LRRC41: variants seen among roughly 807,000 people sequenced by gnomAD.
LRRC41 encodes the protein leucine-rich repeat-containing protein 41.
A neutral mutation model predicts 72.1 loss-of-function variants in LRRC41; 17 were observed. That is an observed-to-expected ratio of 0.24 (90% CI 0.16 to 0.35). The LOEUF is 0.35. LRRC41 is among the 10% of genes least tolerant of loss of function. The pLI is 1.00. For synonymous variants in LRRC41, 427 were observed against 431.0 expected (o/e 0.99, Z 0.11); for missense variants, 759 against 1,065.0 (o/e 0.71, Z 4.00).
chr1:46,289,069 A>G (rs1395311240), intron 3 of LRRC41, among the ~76,000 whole-genome samples: 2 of 152,228 alleles, frequency 1.3e-5, no homozygotes, highest in Non-Finnish European at 2.9e-5. Flanking sequence ...GTTTCTGGCT[A>G]TAAGAGGCAC....
chr1:46,284,183 A>G (rs1049685404), intron 4 of LRRC41: 4 of 152,340 alleles, frequency 2.6e-5, no homozygotes, highest in Non-Finnish European at 5.9e-5. Context: ...AGAACAGGAG[A>G]TAACAGTTTA....
Position 46,302,343 on chromosome 1 carries a change from CG to C in LRRC41, c.199+780del. 1.0e-6 allele frequency: 1 copy of C among 985,338 alleles called. No individual in the cohort carries two copies. The highest frequency in any genetic ancestry group is 1.2e-6 in the Non-Finnish European group (1 of 829,846). 61.0% of individuals were successfully genotyped at this position (985,338 alleles called of 1,614,324 possible). On this transcript the variant is annotated intron_variant, in intron 1 of 9. Transcript: ENST00000617190. The surrounding 1 kb of genome is among the most constrained non-coding windows in gnomAD (Gnocchi z 4.7). ...CCTCCCTCGCTTGTTTAAGCCGCTCCGGGCCCCCCTCCACTCGCTCTCCGGT... is the reference window on the plus strand; with the variant it reads ...CCTCCCTCGCTTGTTTAAGCCGCTCCGGCCCCCCTCCACTCGCTCTCCGGT...
intron 3 of LRRC41, among the ~76,000 whole-genome samples, chr1:46,291,413 T>C (rs1248480851): frequency 6.6e-6 from 1 of 151,990 alleles, no homozygotes; most frequent in African/African-American, 2.4e-5. Context: ...TAGCTCACTG[T>C]AGCCTTGAAT....
At position 46,278,269 on chromosome 1, in the gene LRRC41, G is replaced by A. The variant is rs955072829; in HGVS notation, c.*596C>T. On this transcript the variant is annotated 3_prime_UTR_variant, in exon 10 of 10. Transcript: ENST00000617190. The stretch of plus-strand genomic sequence containing the variant: ...CACCAGCGTTCTCATGAGGAGCAGC[G>A]GGGCCTCCGCTGATAACCAGCTGGT... The A allele has an allele frequency of 8.1e-6, 13 of 1,612,878 alleles. No homozygotes were observed. Among genetic ancestry groups the A allele is most frequent in the African/African-American group, 5.3e-5 (4 of 75,052 alleles).
chr1:46,301,196 C>T (rs192188281), intron 1 of LRRC41, among the ~76,000 whole-genome samples: 2 of 152,244 alleles, frequency 1.3e-5, no homozygotes, highest in East Asian at 3.9e-4. Context: ...AAACTCCTCT[C>T]TTCCTTTCTC....
In LRRC41 at chr1:46,302,971, A is replaced by C; in HGVS notation, c.199+153T>G. On this transcript the variant is annotated intron_variant, in intron 1 of 9. Transcript: ENST00000617190. This position sits in a 1 kb window ranked among gnomAD's most constrained non-coding sequence, Gnocchi z 4.7. ...CGTCTTTACTCTGTCCAGCCCTGTC[A>C]GTCACAAAATTCATTCTCCGATCCT... 10 of 981,520 alleles carry C rather than the reference A, an allele frequency of 1.0e-5. No individual in the cohort carries two copies. Among genetic ancestry groups the C allele is most frequent in the Non-Finnish European group, 1.2e-5 (10 of 829,256 alleles). The allele number at this position is 981,520 out of a possible 1,614,324, so 60.8% of individuals were successfully genotyped here.
Position 46,278,694 on chromosome 1 carries a change from G to T in LRRC41, c.*171C>A. 1 of 657,354 alleles carries T rather than the reference G, an allele frequency of 1.5e-6. No individual in the cohort carries two copies. The highest frequency in any genetic ancestry group is 2.6e-6 in the Non-Finnish European group (1 of 385,652). 40.7% of individuals were successfully genotyped at this position (657,354 alleles called of 1,614,324 possible). A position where few individuals can be genotyped will look rare whatever the true frequency, so the allele number is the denominator to read the frequency against. ...AACCCAGCTGTGAGAATGCCTGTTT[G>T]CTGGGCCTCATCAAGGCCTCCAGGA... On this transcript the variant is annotated 3_prime_UTR_variant, in exon 10 of 10. Coordinates refer to ENST00000617190, the MANE Select transcript of LRRC41 (RefSeq NM_006369.5).
In LRRC41 at chr1:46,286,562, C is replaced by G; in HGVS notation, c.358-63G>C. On this transcript the variant is annotated intron_variant, in intron 3 of 9. Transcript: ENST00000617190. The surrounding 1 kb of genome is among the most constrained non-coding windows in gnomAD (Gnocchi z 5.5). ...TCCATGAAACTGTCCAAATTTCCCT[C>G]TCTTCCAATAGCACACTATTTACTG... The G allele has an allele frequency of 6.9e-7, 1 of 1,454,454 alleles. No homozygotes were observed. Among genetic ancestry groups the G allele is most frequent in the East Asian group, 2.3e-5 (1 of 43,800 alleles). The allele number at this position is 1,454,454 out of a possible 1,614,324, so 90.1% of individuals were successfully genotyped here. A position where few individuals can be genotyped will look rare whatever the true frequency, so the allele number is the denominator to read the frequency against.
At chr1:46,295,636 T>C (rs1000698215) in intron 3 of LRRC41, among the ~76,000 whole-genome samples, 3 of 152,190 alleles carry the variant, frequency 2.0e-5, no homozygotes, top group African/African-American at 7.2e-5. Context: ...CTCTAAATGC[T>C]CTGAAATGCT....
In LRRC41 at chr1:46,281,282, T is replaced by C. The variant is rs1170727752; in HGVS notation, c.1599A>G (p.Pro533=). 6.2e-7 allele frequency: 1 copy of C among 1,614,132 alleles called. No individual in the cohort carries two copies. Among genetic ancestry groups the C allele is most frequent in the Non-Finnish European group, 8.5e-7 (1 of 1,180,012 alleles). Residue 533 remains proline, a synonymous_variant, in exon 5 of 10, where the codon CCA becomes CCG. Coordinates refer to ENST00000617190, the MANE Select transcript of LRRC41 (RefSeq NM_006369.5). ...CACGTGTCAGCTCCAGGATGGGCAGTGGTGAGAACAGGTCACTGAGATGCA... is the reference window on the plus strand; with the variant it reads ...CACGTGTCAGCTCCAGGATGGGCAGCGGTGAGAACAGGTCACTGAGATGCA... The part of the protein sequence containing the change: ...RALHLSDLFS[P]LPILELTRAI...
chr1:46,286,111 A>G lies in LRRC41; in HGVS notation c.746T>C (p.Met249Thr). 6.2e-7 allele frequency: 1 copy of G among 1,614,172 alleles called. No homozygotes were observed. Among genetic ancestry groups the G allele is most frequent in the Non-Finnish European group, 8.5e-7 (1 of 1,179,988 alleles). The change falls in exon 4 of 10, where the codon ATG becomes ACG. Residue 249 changes from methionine (M) to threonine (T), a missense_variant. By Grantham distance (81) the Met-to-Thr change is moderately conservative. Transcript: ENST00000617190. The surrounding 1 kb of genome is among the most constrained non-coding windows in gnomAD (Gnocchi z 5.5). ...CCCTGGTTGCCAGAAGCCAGCACTCATGGTGAGAATAAGGATGAAAAGGGC... is the reference window on the plus strand; with the variant it reads ...CCCTGGTTGCCAGAAGCCAGCACTCGTGGTGAGAATAAGGATGAAAAGGGC... ...ESALFILILT[M>T]SAGFWQPGPG... is the part of the protein sequence containing the mutation.
At chr1:46,288,222 CAA>C (rs1041531546) in intron 3 of LRRC41, among the ~76,000 whole-genome samples, 1 of 152,160 alleles carries the variant, frequency 6.6e-6, no homozygotes, top group African/African-American at 2.4e-5. Flanking sequence ...CACACCAAGA[CAA>C]AGACAGGTAC....
rs574875921 is a variant in LRRC41 at position 46,291,039 on chromosome 1, C to T, written c.358-4540G>A. 6.0e-5 allele frequency among the ~76,000 whole-genome samples: 9 copies of T among 150,266 alleles called. No individual in the cohort carries two copies. In the East Asian group the frequency reaches 1.8e-3, roughly 30 times the overall value. On this transcript the variant is annotated intron_variant, in intron 3 of 9. Coordinates refer to ENST00000617190, the MANE Select transcript of LRRC41 (RefSeq NM_006369.5). The stretch of plus-strand genomic sequence containing the variant: ...TCCCAGGTTCAAGCTATTCTCCTGC[C>T]TCAGTCTCCCAAGTAGCTGGGATTA...
In LRRC41 at chr1:46,277,830, AG is replaced by A; in HGVS notation, c.*1034del. 1 of 1,609,426 alleles carries A rather than the reference AG, an allele frequency of 6.2e-7. No individual in the cohort carries two copies. ...CCTCTTCCCCAGGCAGGGACCATTG[AG>A]GAGAAGATCTTCCAGCGTCAGAGCC... On this transcript the variant is annotated 3_prime_UTR_variant, in exon 10 of 10. Coordinates refer to ENST00000617190, the MANE Select transcript of LRRC41 (RefSeq NM_006369.5).
At chr1:46,291,936 C>T (rs913286185) in intron 3 of LRRC41, among the ~76,000 whole-genome samples, 1 of 152,104 alleles carries the variant, frequency 6.6e-6, no homozygotes, top group African/African-American at 2.4e-5. Flanking sequence ...ACTGCAGCCT[C>T]AACCTCCTGG....
In LRRC41 at chr1:46,278,725, G is replaced by T; in HGVS notation, c.*140C>A. 1.2e-6 allele frequency: 1 copy of T among 841,986 alleles called. No homozygotes were observed. Among genetic ancestry groups the T allele is most frequent in the Non-Finnish European group, 1.8e-6 (1 of 542,938 alleles). 52.2% of individuals were successfully genotyped at this position (841,986 alleles called of 1,614,324 possible). On this transcript the variant is annotated 3_prime_UTR_variant, in exon 10 of 10. Transcript: ENST00000617190. ...CCTCATCAAGGCCTCCAGGACCTCA[G>T]TGCAAGGGAAGAAGGAAAAAAGAGA...
chr1:46,302,573 A>G lies in LRRC41; in HGVS notation c.199+551T>C, dbSNP rs903922855. The G allele has an allele frequency of 1.0e-6, 1 of 984,460 alleles. No individual in the cohort carries two copies. The highest frequency in any genetic ancestry group is 1.2e-6 in the Non-Finnish European group (1 of 829,646). 61.0% of individuals were successfully genotyped at this position (984,460 alleles called of 1,614,324 possible). A position where few individuals can be genotyped will look rare whatever the true frequency, so the allele number is the denominator to read the frequency against. On this transcript the variant is annotated intron_variant, in intron 1 of 9. Transcript: ENST00000617190. The surrounding 1 kb of genome is among the most constrained non-coding windows in gnomAD (Gnocchi z 4.7). ...CCCTGCCCCATTCCCTCGCTCTCCA[A>G]TCTGCTGTCCTCCCCTCCGCCCATC...
At chr1:46,294,587 T>C (rs1277334974) in intron 3 of LRRC41, among the ~76,000 whole-genome samples, 1 of 143,458 alleles carries the variant, frequency 7.0e-6, no homozygotes, top group Admixed American at 7.4e-5. Flanking sequence ...TTTTTACAAC[T>C]AATTCTTTTT....
chr1:46,288,730 ATAGT>A (rs1383220943), intron 3 of LRRC41, among the ~76,000 whole-genome samples: 2 of 152,190 alleles, frequency 1.3e-5, no homozygotes, highest in Admixed American at 6.5e-5. Context: ...TACTGTGGTA[ATAGT>A]TAGGAATGAC....
Sources: allele counts gnomAD v4.1 joint callset (sites outside exome capture counted in the v4.1 genomes callset), GRCh38; gene constraint gnomAD v4.1.1; non-coding constraint Gnocchi (gnomAD v3.1); transcripts MANE v1.5; gene names NCBI Gene and HGNC (gene_info 2026-07-23, HGNC 2026-07-21).